GLI2: variants seen among roughly 807,000 people sequenced by gnomAD.
The protein encoded by GLI2 is GLI family zinc finger 2.
A neutral mutation model predicts 78.9 loss-of-function variants in GLI2; 22 were observed. The observed-to-expected ratio is 0.28, with a 90% CI of 0.20 to 0.40. The LOEUF is 0.40. Among genes scored for constraint, GLI2 ranks in the 10% least tolerant of loss-of-function variants. The pLI, the probability that GLI2 is intolerant of heterozygous loss-of-function variation, is 1.00. For synonymous variants in GLI2, 974 were observed against 963.7 expected (o/e 1.01, Z -0.20); for missense variants, 2,097 against 2,213.2 (o/e 0.95, Z 1.05).
At chr2:120,896,683 TCACACACACCCATACA>T (rs1351302609) in intron 2 of GLI2, among the ~76,000 whole-genome samples, 9 of 90,036 alleles carry the variant, frequency 1.0e-4, no homozygotes, top group South Asian at 3.8e-4. Flanking sequence ...CCCCACACAC[TCACACACACCCATACA>T]CACACACACA....
intron 2 of GLI2, among the ~76,000 whole-genome samples, chr2:120,880,929 C>A (rs369601296): frequency 2.0e-5 from 3 of 152,302 alleles, no homozygotes; most frequent in African/African-American, 7.2e-5. Flanking sequence ...CCCCTGCCCC[C>A]ACCAGGGAGC....
At chr2:120,789,227 T>C (rs1684081939) in intron 1 of GLI2, among the ~76,000 whole-genome samples, 2 of 152,012 alleles carry the variant, frequency 1.3e-5, no homozygotes, top group Admixed American at 1.3e-4. Context: ...TTTCATCATG[T>C]TGGCCAGGCT....
intron 2 of GLI2, among the ~76,000 whole-genome samples, chr2:120,916,260 C>T (rs190195262): frequency 1.0e-3 from 157 of 152,354 alleles, no homozygotes; most frequent in Middle Eastern, 3.4e-3. Flanking sequence ...CTCTCGAGGA[C>T]GCCAGCAAGA....
At chr2:120,751,350 C>T (rs955805250) in intron 1 of GLI2, among the ~76,000 whole-genome samples, 1 of 152,148 alleles carries the variant, frequency 6.6e-6, no homozygotes, top group Non-Finnish European at 1.5e-5. Flanking sequence ...TCCCCTTCCC[C>T]CCAAACTTTA....
At position 120,988,670 on chromosome 2, in the gene GLI2, T is replaced by G; in HGVS notation, c.2705T>G (p.Leu902Arg). The change falls in exon 14 of 14, where the codon CTG becomes CGG. Residue 902 changes from leucine (L) to arginine (R), a missense_variant. Leu to Arg is a moderately radical substitution (Grantham distance 102). This residue lies in a region of GLI2 where 1,290 missense variants were observed against 1,261.7 expected (regional missense o/e 1.02). Transcript: ENST00000361492. ...ERMSLRTRLA[L>R]LDAPERTLPA... ...ATGAGCCTGCGGACCAGGCTGGCGC[T>G]GCTGGACGCGCCCGAGCGCACGCTG... 2.9e-6 allele frequency: 4 copies of G among 1,372,038 alleles called. No individual in the cohort carries two copies. The South Asian group carries it at 5.9e-5, about 20-fold the overall frequency. The allele number at this position is 1,372,038 out of a possible 1,614,324, so 85.0% of individuals were successfully genotyped here. A position where few individuals can be genotyped will look rare whatever the true frequency, so the allele number is the denominator to read the frequency against.
intron 2 of GLI2, among the ~76,000 whole-genome samples, chr2:120,883,487 AAAAC>A (rs754355174): frequency 4.6e-5 from 7 of 152,184 alleles, no homozygotes; most frequent in African/African-American, 7.2e-5. Context: ...ACCTTGTCTC[AAAAC>A]AAACAAATAA....
intron 5 of GLI2, among the ~76,000 whole-genome samples, chr2:120,966,354 C>T (rs1573693102): frequency 1.3e-5 from 2 of 152,238 alleles, no homozygotes; most frequent in Non-Finnish European, 2.9e-5. Flanking sequence ...ACTTATGGCT[C>T]CAGCCCAGGG....
At chr2:120,927,560 C>G in intron 3 of GLI2, 94 bp downstream of exon 3, 2 of 844,774 alleles carry the variant, frequency 2.4e-6, no homozygotes, top group Middle Eastern at 2.2e-4. Context: ...CTGCCTCTGT[C>G]TTTCTTTTGG....
At chr2:120,893,094 T>C (rs1677760440) in intron 2 of GLI2, among the ~76,000 whole-genome samples, 1 of 152,258 alleles carries the variant, frequency 6.6e-6, no homozygotes, top group African/African-American at 2.4e-5. Flanking sequence ...GTTATTTGAC[T>C]AAGGCATCTT....
At chr2:120,937,843 G>C (rs1365110419) in intron 3 of GLI2, among the ~76,000 whole-genome samples, 1 of 152,190 alleles carries the variant, frequency 6.6e-6, no homozygotes, top group Non-Finnish European at 1.5e-5. Flanking sequence ...GGCAGGCTGG[G>C]CCAGAGTTTA....
chr2:120,787,340 T>C (rs1350132151), intron 1 of GLI2, among the ~76,000 whole-genome samples: 1 of 152,220 alleles, frequency 6.6e-6, no homozygotes, highest in Non-Finnish European at 1.5e-5. Context: ...CTCACTGCCT[T>C]CATGGTCCTT....
At chr2:120,794,171 A>G (rs1338748277) in intron 1 of GLI2, among the ~76,000 whole-genome samples, 1 of 152,128 alleles carries the variant, frequency 6.6e-6, no homozygotes, top group Non-Finnish European at 1.5e-5. Flanking sequence ...GGCTGCAATC[A>G]TGGGCTAGGA....
intron 2 of GLI2, among the ~76,000 whole-genome samples, chr2:120,821,949 C>T (rs1685796766): frequency 6.6e-6 from 1 of 152,188 alleles, no homozygotes; most frequent in Non-Finnish European, 1.5e-5. Flanking sequence ...TCCACGGGGG[C>T]CGGGAGAAAG....
intron 2 of GLI2, among the ~76,000 whole-genome samples, chr2:120,817,939 C>G (rs1353662219): frequency 6.6e-6 from 1 of 152,238 alleles, no homozygotes; most frequent in Non-Finnish European, 1.5e-5. Context: ...CTTCCTGAGG[C>G]CTCCATGTCC....
At chr2:120,925,264 GAGA>G (rs1234839823) in intron 2 of GLI2, among the ~76,000 whole-genome samples, 12 of 152,352 alleles carry the variant, frequency 7.9e-5, no homozygotes, top group African/African-American at 2.4e-4. Flanking sequence ...GAATCAGGGT[GAGA>G]AGATTTGCTT....
At chr2:120,739,351 A>C (rs1180275305) in intron 1 of GLI2, among the ~76,000 whole-genome samples, 1 of 152,114 alleles carries the variant, frequency 6.6e-6, no homozygotes, top group Non-Finnish European at 1.5e-5. Flanking sequence ...TGGGAGTAGG[A>C]GGTTGTCATG....
intron 2 of GLI2, among the ~76,000 whole-genome samples, chr2:120,842,291 C>T (rs1266311544): frequency 6.6e-6 from 1 of 152,024 alleles, no homozygotes; most frequent in African/African-American, 2.4e-5. Flanking sequence ...TATATGTGTG[C>T]TTACCTATAA....
intron 1 of GLI2, among the ~76,000 whole-genome samples, chr2:120,787,734 A>G (rs1684037654): frequency 6.6e-6 from 1 of 152,238 alleles, no homozygotes; most frequent in African/African-American, 2.4e-5. Flanking sequence ...CAGCGGCCTC[A>G]GAGCACGTCC....
intron 1 of GLI2, chr2:120,792,381 G>T (rs1684188071): frequency 6.6e-6 from 1 of 152,220 alleles, no homozygotes; most frequent in Non-Finnish European, 1.5e-5. Flanking sequence ...AACGTTCAAG[G>T]CACCGCATCT....
Sources: gnomAD v4.1 joint callset for allele counts (sites outside exome capture counted in the v4.1 genomes callset) on GRCh38, gnomAD v4.1.1 for gene constraint, gnomAD v4.1.1 regional missense constraint, MANE v1.5 for transcripts, NCBI Gene and HGNC (gene_info 2026-07-23, HGNC 2026-07-21) for gene names.